ASPM: variants seen among roughly 807,000 people sequenced by gnomAD.
ASPM encodes assembly factor for spindle microtubules.
ASPM carries 256 observed loss-of-function variants against 366.4 expected under a neutral mutation model. The observed-to-expected ratio is 0.70, with a 90% CI of 0.63 to 0.77. The LOEUF (loss-of-function observed/expected upper bound fraction) is 0.77, where lower values mean the gene tolerates loss of function less well. ASPM is among the 30% of genes least tolerant of loss of function. ASPM has a pLI of 0.00. For missense variants in ASPM, 4,146 were observed against 4,090.4 expected (o/e 1.01, Z -0.37); for synonymous variants, 1,414 against 1,342.9 (o/e 1.05, Z -1.16).
rs146295177 is a variant in ASPM at position 197,095,317 on chromosome 1, G to A, written c.8987+681C>T. The stretch of plus-strand genomic sequence containing the variant: ...TCATGCGATCAACTGTATATGTTAA[G>A]CCCTGCTTCTACCCATGGGCTTCAT... On this transcript the variant is annotated intron_variant, in intron 19 of 27. Coordinates refer to ENST00000367409, the MANE Select transcript of ASPM (RefSeq NM_018136.5). Among the ~76,000 whole-genome samples, 6 of 151,714 alleles carry A rather than the reference G, an allele frequency of 4.0e-5. 1 individual carries two copies. Among genetic ancestry groups the A allele is most frequent in the African/African-American group, 1.4e-4 (6 of 41,456 alleles).
Position 197,117,774 on chromosome 1 carries a change from TC to T in ASPM, c.4065+14del. 6.2e-7 allele frequency: 1 copy of T among 1,600,568 alleles called. No individual in the cohort carries two copies. Among genetic ancestry groups the T allele is most frequent in the Non-Finnish European group, 8.5e-7 (1 of 1,174,878 alleles). ...AAAATTTTTTAAATTCAAAAATTAG[TC>T]CAGGATACTATACCTGAATAAGTGA... On this transcript the variant is annotated intron_variant, in intron 17 of 27. Transcript: ENST00000367409.
intron 13 of ASPM, among the ~76,000 whole-genome samples, chr1:197,123,621 T>G (rs754766469): frequency 6.6e-6 from 1 of 152,184 alleles, no homozygotes; most frequent in African/African-American, 2.4e-5. Context: ...TGTCTTATAT[T>G]TATTACCAGA....
At chr1:197,124,669 G>A (rs1658027813) in intron 12 of ASPM, among the ~76,000 whole-genome samples, 1 of 151,694 alleles carries the variant, frequency 6.6e-6, no homozygotes, top group Non-Finnish European at 1.5e-5. Context: ...CTTTGCAGGT[G>A]TGGTGAAGAT....
intron 18 of ASPM, among the ~76,000 whole-genome samples, chr1:197,099,891 A>G (rs889348708): frequency 2.6e-5 from 4 of 151,796 alleles, no homozygotes; most frequent in Admixed American, 2.0e-4. Flanking sequence ...CACTTCCTTC[A>G]TATTTTAAAA....
chr1:197,110,393 C>A (rs1285775912), intron 17 of ASPM, among the ~76,000 whole-genome samples: 4 of 151,892 alleles, frequency 2.6e-5, no homozygotes, highest in Non-Finnish European at 4.4e-5. Context: ...TTGACCTAAC[C>A]CTTACCTTAG....
In ASPM at chr1:197,100,711, A is replaced by T. The variant is rs747131987; in HGVS notation, c.8540T>A (p.Leu2847His). 6.2e-7 allele frequency: 1 copy of T among 1,612,436 alleles called. No homozygotes were observed. The change falls in exon 18 of 28, where the codon CTT (leucine) becomes CAT (histidine). Residue 2847 changes from leucine (L) to histidine (H), a missense_variant. Around this residue, in one of 3 missense-constraint regions of ASPM, gnomAD observed 3,624 missense variants for 3,591.7 expected, o/e 1.01. Transcript: ENST00000367409. Reference sequence around the variant, plus strand: ...TCTTCTCCGATACACAGCCATCTGAAGGAAGAACTGAATCCGTAGGGCAGC... The same window carrying T: ...TCTTCTCCGATACACAGCCATCTGATGGAAGAACTGAATCCGTAGGGCAGC... ...KCAALRIQFF[L>H]QMAVYRRRFV... is the part of the protein sequence containing the mutation.
At chr1:197,144,810 C>G (rs1302735651) in intron 1 of ASPM, among the ~76,000 whole-genome samples, 1 of 152,010 alleles carries the variant, frequency 6.6e-6, no homozygotes, top group Non-Finnish European at 1.5e-5. Context: ...GCTGACATGA[C>G]AAAACAAATT....
chr1:197,090,447 T>A, intron 23 of ASPM, 59 bp from the exon 24 acceptor site: 2 of 1,283,110 alleles, frequency 1.6e-6, no homozygotes, highest in Non-Finnish European at 2.2e-6. Context: ...TATTTATATC[T>A]ACATCTGTTT....
intron 17 of ASPM, among the ~76,000 whole-genome samples, chr1:197,106,484 T>C (rs1657413636): frequency 6.6e-6 from 1 of 152,014 alleles, no homozygotes; most frequent in Non-Finnish European, 1.5e-5. Context: ...CCAACAGATA[T>C]TTCTATGTAA....
At chr1:197,093,727 G>A (rs1168068289) in intron 20 of ASPM, among the ~76,000 whole-genome samples, 1 of 151,744 alleles carries the variant, frequency 6.6e-6, no homozygotes, top group Non-Finnish European at 1.5e-5. Context: ...GAGCCACAAA[G>A]TGAGCACATG....
chr1:197,134,050 T>C (rs895508389), intron 5 of ASPM, among the ~76,000 whole-genome samples: 2 of 151,650 alleles, frequency 1.3e-5, no homozygotes, highest in Non-Finnish European at 2.9e-5. Context: ...TCTTTTTTTT[T>C]AAGTGATCTC....
At chr1:197,145,260 CAT>C (rs1460632580) in intron 1 of ASPM, among the ~76,000 whole-genome samples, 2 of 152,162 alleles carry the variant, frequency 1.3e-5, no homozygotes, top group African/African-American at 2.4e-5. Context: ...AAAATAAAAA[CAT>C]AAATTCTCCA....
rs190036493 is a variant in ASPM, at chr1:197,107,991, A to G, written c.4066-2806T>C. On this transcript the variant is annotated intron_variant, in intron 17 of 27. Coordinates refer to ENST00000367409, the MANE Select transcript of ASPM (RefSeq NM_018136.5). ...CCAAATTTGGCCTGCAGATATACCA[A>G]CCTCTGACCATGATAGACCATATTG... 5.3e-5 allele frequency among the ~76,000 whole-genome samples: 8 copies of G among 152,210 alleles called. No individual in the cohort carries two copies. In the East Asian group the frequency reaches 7.7e-4, roughly 15 times the overall value.
intron 17 of ASPM, among the ~76,000 whole-genome samples, chr1:197,114,163 C>T (rs1289494508): frequency 6.6e-6 from 1 of 152,186 alleles, no homozygotes; most frequent in Non-Finnish European, 1.5e-5. Context: ...GTTATCTTTA[C>T]ACTATACTGC....
In ASPM at chr1:197,086,793, A is replaced by C. The variant is rs1230401506; in HGVS notation, c.10331+10T>G. 14 of 1,590,684 alleles carry C rather than the reference A, an allele frequency of 8.8e-6. No individual in the cohort carries two copies. In the East Asian group the frequency reaches 2.9e-4, roughly 33 times the overall value. ...TGACACAAATTTATGGACTATATTT[A>C]ATTGCTTACCTTGAAACTATTCTGG... On this transcript the variant is annotated intron_variant, in intron 27 of 27. Coordinates refer to ENST00000367409, the MANE Select transcript of ASPM (RefSeq NM_018136.5).
chr1:197,143,529 TAC>T lies in ASPM; in HGVS notation c.721_722del (p.Val241ThrfsTer15). ...GAGATGAGTAGGTAGTAGATCGACGTACAGAGAGTGGCAAGCAAGTTGCACCA... is the reference window on the plus strand; with the variant it reads ...GAGATGAGTAGGTAGTAGATCGACGTAGAGAGTGGCAAGCAAGTTGCACCA... Reference protein sequence around the residue: ...CHGATCLPLSVRRSTTYSSLH... With the variant: ...CHGATCLPLSXRRSTTYSSLH... On this transcript the variant is annotated frameshift_variant, in exon 3 of 28. Coordinates refer to ENST00000367409, the MANE Select transcript of ASPM (RefSeq NM_018136.5). LOFTEE classifies it high-confidence loss of function. The T allele has an allele frequency of 6.2e-7, 1 of 1,613,946 alleles. No homozygotes were observed. The highest frequency in any genetic ancestry group is 1.1e-5 in the South Asian group (1 of 91,078).
chr1:197,112,885 C>T (rs916580619), intron 17 of ASPM, among the ~76,000 whole-genome samples: 12 of 152,252 alleles, frequency 7.9e-5, no homozygotes, highest in African/African-American at 2.6e-4. Flanking sequence ...ATCCTCAACT[C>T]TGGCAAAATA....
Position 197,103,945 on chromosome 1 carries a change from T to C in ASPM, c.5306A>G (p.Gln1769Arg). 6.2e-7 allele frequency: 1 copy of C among 1,612,680 alleles called. No homozygotes were observed. The highest frequency in any genetic ancestry group is 8.5e-7 in the Non-Finnish European group (1 of 1,179,330). The change falls in exon 18 of 28, where the codon CAG becomes CGG. Residue 1769 changes from glutamine to arginine, a missense_variant. Gln to Arg is a conservative substitution (Grantham distance 43). Coordinates refer to ENST00000367409, the MANE Select transcript of ASPM (RefSeq NM_018136.5). The stretch of plus-strand genomic sequence containing the variant: ...TGCTTTATACATTTTCAGATAATAC[T>C]GCCGAGCCTTTCTCATTCTGAAATA... ...QSYFRMRKAR[Q>R]YYLKMYKAII... is the part of the protein sequence containing the mutation.
intron 1 of ASPM, among the ~76,000 whole-genome samples, chr1:197,145,830 A>G (rs1175597673): frequency 7.5e-6 from 1 of 133,206 alleles, no homozygotes; most frequent in Non-Finnish European, 1.6e-5. Flanking sequence ...CGTCTATCCT[A>G]GCCTTCAATT....
Sources: allele counts gnomAD v4.1 joint callset (sites outside exome capture counted in the v4.1 genomes callset), GRCh38; gene constraint gnomAD v4.1.1; regional missense constraint gnomAD v4.1.1; transcripts MANE v1.5; gene names NCBI Gene and HGNC (gene_info 2026-07-23, HGNC 2026-07-21).